The following AMIGO3 variants were observed in gnomAD, a reference collection of about 807,000 sequenced individuals.
AMIGO3 encodes amphoterin-induced protein 3.
AMIGO3 carries 6 observed loss-of-function variants against 4.3 expected under a neutral mutation model. The ratio of observed to expected loss-of-function variants is 1.39; its 90% CI spans 0.76 to 2.75. The LOEUF is 2.75. Among genes scored for constraint, AMIGO3 ranks in the 30% most tolerant of loss-of-function variants. The pLI, the probability that AMIGO3 is intolerant of heterozygous loss-of-function variation, is 0.00. For missense variants in AMIGO3, 771 were observed against 692.1 expected (o/e 1.11, Z -1.28); for synonymous variants, 315 against 320.0 (o/e 0.98, Z 0.17).
At position 49,718,906 on chromosome 3, in the gene AMIGO3, G is replaced by GTT. The variant is rs768221500; in HGVS notation, c.559_560insAA (p.Thr187LysfsTer54). 19 of 1,613,742 alleles carry GTT rather than the reference G, an allele frequency of 1.2e-5. No individual in the cohort carries two copies. The African/African-American group carries it at 2.5e-4, about 21-fold the overall frequency. ...CAGCCGGTTGGAGGAGAGGTCCAGAGTAAGCAGGTGGGTGGCGCTCAGACC... is the reference window on the plus strand; with the variant it reads ...CAGCCGGTTGGAGGAGAGGTCCAGAGTTTAAGCAGGTGGGTGGCGCTCAGACC... On this transcript the variant is annotated frameshift_variant, in exon 1 of 1. Transcript: ENST00000320431. LOFTEE classifies it low-confidence loss of function (END_TRUNC).
Position 49,718,868 on chromosome 3 carries a change from C to G in AMIGO3, c.598G>C (p.Val200Leu), listed in dbSNP as rs1361515145. ...GCCGGCAGCGCGGCCAGCTCAGGTA[C>G]GGAGATGTGTCCCAGCCGGTTGGAG... ...LSSNRLGHIS[V>L]PELAALPAFL... The change falls in exon 1 of 1, where the codon GTA (valine) becomes CTA (leucine). Residue 200 changes from valine to leucine, a missense_variant. Physicochemically the swap from Val to Leu is conservative, Grantham distance 32 (BLOSUM62 1). Transcript: ENST00000320431. 6.2e-6 allele frequency: 10 copies of G among 1,613,330 alleles called. No individual in the cohort carries two copies. Among genetic ancestry groups the G allele is most frequent in the Non-Finnish European group, 8.5e-6 (10 of 1,180,044 alleles).
In AMIGO3 at chr3:49,718,678, A is replaced by T. The variant is rs1232313565; in HGVS notation, c.788T>A (p.Phe263Tyr). ...CTCAAAGACGCGGCTGTGCTGGAAG[A>T]AGCGCACGCGGGACGCGGGTACCTT... is the stretch of plus-strand genomic sequence containing the variant. Reference protein sequence around the residue: ...AFKVPASRVRFFQHSRVFENC... With the variant: ...AFKVPASRVRYFQHSRVFENC... Residue 263 changes from phenylalanine to tyrosine, a missense_variant, in exon 1 of 1, where the codon TTC becomes TAC. Physicochemically the swap from Phe to Tyr is conservative, Grantham distance 22. Transcript: ENST00000320431. 1 of 1,612,892 alleles carries T rather than the reference A, an allele frequency of 6.2e-7. No individual in the cohort carries two copies. The highest frequency in any genetic ancestry group is 1.3e-5 in the African/African-American group (1 of 74,954).
In AMIGO3 at chr3:49,718,873, A is replaced by T; in HGVS notation, c.593T>A (p.Ile198Asn). Residue 198 changes from isoleucine (I) to asparagine (N), a missense_variant, in exon 1 of 1, where the codon ATC (isoleucine) becomes AAC (asparagine). Transcript: ENST00000320431. ...CAGCGCGGCCAGCTCAGGTACGGAG[A>T]TGTGTCCCAGCCGGTTGGAGGAGAG... The part of the protein sequence containing the change: ...LDLSSNRLGH[I>N]SVPELAALPA... 1 of 1,613,440 alleles carries T rather than the reference A, an allele frequency of 6.2e-7. No individual in the cohort carries two copies. The highest frequency in any genetic ancestry group is 8.5e-7 in the Non-Finnish European group (1 of 1,180,028).
At position 49,718,104 on chromosome 3, in the gene AMIGO3, T is replaced by G; in HGVS notation, c.1362A>C (p.Val454=). ...PSRKASVHKH[V]VFLEPGRRGL... is the part of the protein sequence containing the mutation. ...CCCTCCGGCCTGGCTCCAGAAAGAC[T>G]ACGTGCTTGTGGACGCTGGCCTTGC... is the stretch of plus-strand genomic sequence containing the variant. Residue 454 remains valine, a synonymous_variant, in exon 1 of 1, where the codon GTA becomes GTC. Transcript: ENST00000320431. 6.2e-7 allele frequency: 1 copy of G among 1,613,590 alleles called. No individual in the cohort carries two copies. Among genetic ancestry groups the G allele is most frequent in the Admixed American group, 1.7e-5 (1 of 60,036 alleles).
rs755772643 is a variant in AMIGO3, at chr3:49,718,552, G to C, written c.914C>G (p.Pro305Arg). ...SLRLYCNTSV[P>R]AMRIAWVSPQ... ...CGAAACCCAGGCAATGCGCATGGCC[G>C]GGACGCTGGTGTTGCAGTAAAGCCT... The change falls in exon 1 of 1, where the codon CCG becomes CGG. Residue 305 changes from proline to arginine, a missense_variant. By Grantham distance (103) the Pro-to-Arg change is moderately radical. Transcript: ENST00000320431. 4 of 1,613,124 alleles carry C rather than the reference G, an allele frequency of 2.5e-6. No homozygotes were observed. The highest frequency in any genetic ancestry group is 1.1e-5 in the South Asian group (1 of 91,084).
In AMIGO3 at chr3:49,718,094, C is replaced by T; in HGVS notation, c.1372G>A (p.Glu458Lys). The T allele has an allele frequency of 6.2e-7, 1 of 1,613,592 alleles. No homozygotes were observed. The highest frequency in any genetic ancestry group is 8.5e-7 in the Non-Finnish European group (1 of 1,180,042). ...ASVHKHVVFL[E>K]PGRRGLNGRV... ...CCATTGAGGCCCCTCCGGCCTGGCT[C>T]CAGAAAGACTACGTGCTTGTGGACG... is the stretch of plus-strand genomic sequence containing the variant. Residue 458 changes from glutamate (E) to lysine (K), a missense_variant, in exon 1 of 1, where the codon GAG becomes AAG. Glu to Lys is a moderately conservative substitution (Grantham distance 56). Transcript: ENST00000320431.
Position 49,719,622 on chromosome 3 carries a change from TC to T in AMIGO3, c.-158del. 1.6e-6 allele frequency: 1 copy of T among 643,342 alleles called. No individual in the cohort carries two copies. The highest frequency in any genetic ancestry group is 2.7e-6 in the Non-Finnish European group (1 of 371,430). 39.9% of individuals were successfully genotyped at this position (643,342 alleles called of 1,614,324 possible). On this transcript the variant is annotated 5_prime_UTR_variant, in exon 1 of 1. Coordinates refer to ENST00000320431, the MANE Select transcript of AMIGO3 (RefSeq NM_198722.3). ...CAGCCGACGGCCCCTACTCTCCGGT[TC>T]CCAGGTTGTGAGGCGGTGCGGCACT... is the stretch of plus-strand genomic sequence containing the variant.
chr3:49,719,404 G>C lies in AMIGO3; in HGVS notation c.62C>G (p.Pro21Arg). ...LCMLRVGLGT[P>R]DSEGFPPRAL... Reference sequence around the variant, plus strand: ...ACGGGGCGGGAAACCCTCGGAGTCCGGGGTGCCTAACCCAACGCGCAGCAT... The same window carrying C: ...ACGGGGCGGGAAACCCTCGGAGTCCCGGGTGCCTAACCCAACGCGCAGCAT... Residue 21 changes from proline to arginine, a missense_variant, in exon 1 of 1, where the codon CCG becomes CGG. Transcript: ENST00000320431. The C allele has an allele frequency of 6.2e-7, 1 of 1,613,636 alleles. No individual in the cohort carries two copies. Among genetic ancestry groups the C allele is most frequent in the Non-Finnish European group, 8.5e-7 (1 of 1,180,038 alleles).
Position 49,717,888 on chromosome 3 carries a change from C to T in AMIGO3, c.*63G>A. The T allele has an allele frequency of 1.3e-6, 2 of 1,532,118 alleles. No individual in the cohort carries two copies. Among genetic ancestry groups the T allele is most frequent in the Non-Finnish European group, 1.8e-6 (2 of 1,137,472 alleles). The allele number at this position is 1,532,118 out of a possible 1,614,324, so 94.9% of individuals were successfully genotyped here. A position where few individuals can be genotyped will look rare whatever the true frequency, so the allele number is the denominator to read the frequency against. On this transcript the variant is annotated 3_prime_UTR_variant, in exon 1 of 1. Transcript: ENST00000320431. ...ACCAGTATCTGCCAGTTCTCTGGAC[C>T]GAAGCAGGGAGCAGGGCGAGCAGCA... is the stretch of plus-strand genomic sequence containing the variant.
In AMIGO3 at chr3:49,719,652, A is replaced by T. The variant is rs1350840979; in HGVS notation, c.-187T>A. ...GGTTGTGAGGCGGTGCGGCACTCTTAGCCGCGCTCCCTTCGGCTTCGCTAG... is the reference window on the plus strand; with the variant it reads ...GGTTGTGAGGCGGTGCGGCACTCTTTGCCGCGCTCCCTTCGGCTTCGCTAG... On this transcript the variant is annotated 5_prime_UTR_variant, in exon 1 of 1. Coordinates refer to ENST00000320431, the MANE Select transcript of AMIGO3 (RefSeq NM_198722.3). The T allele has an allele frequency of 1.7e-6, 1 of 582,878 alleles. No individual in the cohort carries two copies. Among genetic ancestry groups the T allele is most frequent in the Non-Finnish European group, 3.1e-6 (1 of 325,140 alleles). The allele number at this position is 582,878 out of a possible 1,614,324, so 36.1% of individuals were successfully genotyped here.
In AMIGO3 at chr3:49,719,252, C is replaced by T. The variant is rs753923405; in HGVS notation, c.214G>A (p.Ala72Thr). 3.7e-6 allele frequency: 6 copies of T among 1,613,250 alleles called. No individual in the cohort carries two copies. In the South Asian group the frequency reaches 4.4e-5, roughly 12 times the overall value. The stretch of plus-strand genomic sequence containing the variant: ...CAGCCGGGGCGCAGGCGCTGGAGCG[C>T]GTTGTGGCTCAGGTCGAGGTCCGCA... The part of the protein sequence containing the change: ...ATADLDLSHN[A>T]LQRLRPGWLA... Residue 72 changes from alanine (A) to threonine (T), a missense_variant, in exon 1 of 1, where the codon GCG (alanine) becomes ACG (threonine). Physicochemically the swap from Ala to Thr is moderately conservative, Grantham distance 58. Transcript: ENST00000320431.
chr3:49,718,007 T>G lies in AMIGO3; in HGVS notation c.1459A>C (p.Lys487Gln). Reference sequence around the variant, plus strand: ...GAGCTGGCGGACTCAGAGCCAGCCTTCAGCTGCAGGCCTCCAGGGTTGTAG... The same window carrying G: ...GAGCTGGCGGACTCAGAGCCAGCCTGCAGCTGCAGGCCTCCAGGGTTGTAG... The part of the protein sequence containing the change: ...DLYNPGGLQL[K>Q]AGSESASSIG... Residue 487 changes from lysine to glutamine, a missense_variant, in exon 1 of 1, where the codon AAG becomes CAG. Transcript: ENST00000320431. 1 of 1,613,652 alleles carries G rather than the reference T, an allele frequency of 6.2e-7. No homozygotes were observed. The highest frequency in any genetic ancestry group is 8.5e-7 in the Non-Finnish European group (1 of 1,180,026).
rs765192077 is a variant in AMIGO3, at chr3:49,719,322, A to T, written c.144T>A (p.Thr48=). 6.2e-7 allele frequency: 1 copy of T among 1,613,122 alleles called. No homozygotes were observed. Among genetic ancestry groups the T allele is most frequent in the Non-Finnish European group, 8.5e-7 (1 of 1,179,962 alleles). The change falls in exon 1 of 1, where the codon ACT becomes ACA. Residue 48 remains threonine (T), a synonymous_variant. Coordinates refer to ENST00000320431, the MANE Select transcript of AMIGO3 (RefSeq NM_198722.3). ...CTGGCACGTCCTGCAGCCCTAGGCC[A>T]GTGCAGCTTAGCAGGTCGGCAGCGC... is the stretch of plus-strand genomic sequence containing the variant. ...CICAADLLSC[T]GLGLQDVPAE... is the part of the protein sequence containing the mutation.
chr3:49,719,283 G>C lies in AMIGO3; in HGVS notation c.183C>G (p.Ala61=). Reference sequence around the variant, plus strand: ...GGCTCAGGTCGAGGTCCGCAGTAGCGGCAGGTAACTCGGCTGGCACGTCCT... The same window carrying C: ...GGCTCAGGTCGAGGTCCGCAGTAGCCGCAGGTAACTCGGCTGGCACGTCCT... ...GLQDVPAELP[A]ATADLDLSHN... is the part of the protein sequence containing the mutation. Residue 61 remains alanine (A), a synonymous_variant, in exon 1 of 1, where the codon GCC becomes GCG. Transcript: ENST00000320431. 1 of 1,613,202 alleles carries C rather than the reference G, an allele frequency of 6.2e-7. No individual in the cohort carries two copies. Among genetic ancestry groups the C allele is most frequent in the South Asian group, 1.1e-5 (1 of 91,068 alleles).
At position 49,717,849 on chromosome 3, in the gene AMIGO3, G is replaced by A. The variant is rs893313503; in HGVS notation, c.*102C>T. ...CCCATACAGGAAGCTGGGGGGCCAG[G>A]CACAGTGCTTCCCACCAGTATCTGC... On this transcript the variant is annotated 3_prime_UTR_variant, in exon 1 of 1. Coordinates refer to ENST00000320431, the MANE Select transcript of AMIGO3 (RefSeq NM_198722.3). The A allele has an allele frequency of 3.1e-6, 4 of 1,294,532 alleles. No homozygotes were observed. Among genetic ancestry groups the A allele is most frequent in the Admixed American group, 2.2e-5 (1 of 46,256 alleles). The allele number at this position is 1,294,532 out of a possible 1,614,324, so 80.2% of individuals were successfully genotyped here. A position where few individuals can be genotyped will look rare whatever the true frequency, so the allele number is the denominator to read the frequency against.
At position 49,719,506 on chromosome 3, in the gene AMIGO3, G is replaced by T; in HGVS notation, c.-41C>A. On this transcript the variant is annotated 5_prime_UTR_variant, in exon 1 of 1. The change creates a new upstream start codon in the 5' untranslated region. Coordinates refer to ENST00000320431, the MANE Select transcript of AMIGO3 (RefSeq NM_198722.3). Reference sequence around the variant, plus strand: ...GGACAGTACAGAGCAGCTCTGTGCAGGTTGCAGTTCCAGGACTCACCCTCT... The same window carrying T: ...GGACAGTACAGAGCAGCTCTGTGCATGTTGCAGTTCCAGGACTCACCCTCT... 1 of 1,524,992 alleles carries T rather than the reference G, an allele frequency of 6.6e-7. No homozygotes were observed. Among genetic ancestry groups the T allele is most frequent in the South Asian group, 1.2e-5 (1 of 83,554 alleles). 94.5% of individuals were successfully genotyped at this position (1,524,992 alleles called of 1,614,324 possible).
rs1259681690 is a variant in AMIGO3 at position 49,717,908 on chromosome 3, G to A, written c.*43C>T. On this transcript the variant is annotated 3_prime_UTR_variant, in exon 1 of 1. Coordinates refer to ENST00000320431, the MANE Select transcript of AMIGO3 (RefSeq NM_198722.3). Reference sequence around the variant, plus strand: ...TGGACCGAAGCAGGGAGCAGGGCGAGCAGCAAGAGGGTGGGGGCCTGGGTG... The same window carrying A: ...TGGACCGAAGCAGGGAGCAGGGCGAACAGCAAGAGGGTGGGGGCCTGGGTG... 1.9e-6 allele frequency: 3 copies of A among 1,573,024 alleles called. No individual in the cohort carries two copies. Among genetic ancestry groups the A allele is most frequent in the East Asian group, 2.2e-5 (1 of 44,574 alleles).
Position 49,718,606 on chromosome 3 carries a change from T to G in AMIGO3, c.860A>C (p.His287Pro), listed in dbSNP as rs1238235970. ...GGACCGACCCACCAGCGCGTACAGG[T>G]GCTCTTCCGGCCGCTCTAGGCCAAG... ...PALGLERPEE[H>P]LYALVGRSLR... The change falls in exon 1 of 1, where the codon CAC (histidine) becomes CCC (proline). Residue 287 changes from histidine to proline, a missense_variant. His to Pro is a moderately conservative substitution (Grantham distance 77). Transcript: ENST00000320431. 1.2e-5 allele frequency: 20 copies of G among 1,612,828 alleles called. No homozygotes were observed. Among genetic ancestry groups the G allele is most frequent in the African/African-American group, 6.7e-5 (5 of 74,936 alleles).
At position 49,719,239 on chromosome 3, in the gene AMIGO3, A is replaced by C; in HGVS notation, c.227T>G (p.Leu76Arg). 1 of 1,613,126 alleles carries C rather than the reference A, an allele frequency of 6.2e-7. No homozygotes were observed. The highest frequency in any genetic ancestry group is 8.5e-7 in the Non-Finnish European group (1 of 1,179,824). Residue 76 changes from leucine (L) to arginine (R), a missense_variant, in exon 1 of 1, where the codon CTG becomes CGG. Transcript: ENST00000320431. ...GAGGGGCGCCAACCAGCCGGGGCGCAGGCGCTGGAGCGCGTTGTGGCTCAG... is the reference window on the plus strand; with the variant it reads ...GAGGGGCGCCAACCAGCCGGGGCGCCGGCGCTGGAGCGCGTTGTGGCTCAG... Reference protein sequence around the residue: ...LDLSHNALQRLRPGWLAPLFQ... With the variant: ...LDLSHNALQRRRPGWLAPLFQ...
Sources: gnomAD v4.1 joint callset for allele counts on GRCh38, gnomAD v4.1.1 for gene constraint, MANE v1.5 for transcripts, NCBI Gene and HGNC (gene_info 2026-07-23, HGNC 2026-07-21) for gene names.